FAM193A: variants seen among roughly 807,000 people sequenced by gnomAD.
FAM193A encodes family with sequence similarity 193 member A, also known as protein FAM193A.
In FAM193A, 22 loss-of-function variants were observed where a neutral mutation model predicts 126.5. That is an observed-to-expected ratio of 0.17 (90% confidence interval 0.12 to 0.25). The LOEUF (loss-of-function observed/expected upper bound fraction) is 0.25. Ranked by LOEUF, FAM193A falls within the 10% of genes least tolerant of loss-of-function variation. The pLI, the probability that FAM193A is intolerant of heterozygous loss-of-function variation, is 1.00. For synonymous variants in FAM193A, 761 were observed against 646.8 expected, an observed-to-expected ratio of 1.18 and a Z score of -2.68; for missense variants, 1,675 against 1,672.8, an observed-to-expected ratio of 1.00 and a Z score of -0.02.
At chr4:2,637,161 T>C (rs1197742057) in intron 5 of FAM193A, among the ~76,000 whole-genome samples, 1 of 152,158 alleles carries the variant, frequency 6.6e-6, no homozygotes, top group Non-Finnish European at 1.5e-5. Context: ...ATCCCGTCTC[T>C]ACAGAAGATA....
chr4:2,594,523 G>A (rs1740740336), intron 1 of FAM193A, among the ~76,000 whole-genome samples: 1 of 152,200 alleles, frequency 6.6e-6, no homozygotes, highest in Non-Finnish European at 1.5e-5. Context: ...ACTAGCGGGG[G>A]TTCTCTCACC....
At position 2,693,764 on chromosome 4, in the gene FAM193A, C is replaced by G. The variant is rs750424368; in HGVS notation, c.2982C>G (p.Pro994=). 3 of 1,614,202 alleles carry G rather than the reference C, an allele frequency of 1.9e-6. No individual in the cohort carries two copies. Among genetic ancestry groups the G allele is most frequent in the Admixed American group, 3.3e-5 (2 of 60,024 alleles). Residue 994 remains proline (P), a synonymous_variant, in exon 16 of 21, where the codon CCC becomes CCG. Coordinates refer to ENST00000637812, the MANE Select transcript of FAM193A (RefSeq NM_001366318.2). ...CAAATCTTGCAGCCCCATCATTCCC[C>G]AAAACAGCAACCACAACTCCTGGGT... ...HLANLAAPSF[P]KTATTTPGFV... is the part of the protein sequence containing the mutation.
chr4:2,548,932 T>G (rs914467915), intron 1 of FAM193A, among the ~76,000 whole-genome samples: 2 of 151,288 alleles, frequency 1.3e-5, no homozygotes, highest in Admixed American at 6.6e-5. Flanking sequence ...TACTTTTTTG[T>G]TTTTTTTGTT....
chr4:2,597,565 T>G (rs1489361758), intron 2 of FAM193A, among the ~76,000 whole-genome samples: 1 of 152,088 alleles, frequency 6.6e-6, no homozygotes, highest in Non-Finnish European at 1.5e-5. Flanking sequence ...TGGAGGAGGA[T>G]CTCATTTCCC....
intron 19 of FAM193A, among the ~76,000 whole-genome samples, chr4:2,705,566 C>T (rs1003175650): frequency 1.3e-5 from 2 of 151,378 alleles, no homozygotes; most frequent in Admixed American, 6.6e-5. Flanking sequence ...AGCGAGTGGT[C>T]CCAGCACATT....
chr4:2,566,267 T>C (rs1032956002), intron 1 of FAM193A, among the ~76,000 whole-genome samples: 1 of 152,158 alleles, frequency 6.6e-6, no homozygotes, highest in Non-Finnish European at 1.5e-5. Flanking sequence ...CAGCATGGTC[T>C]CGATCTTCTG....
chr4:2,569,013 A>G (rs1422683031), intron 1 of FAM193A, among the ~76,000 whole-genome samples: 1 of 108,134 alleles, frequency 9.2e-6, no homozygotes, highest in East Asian at 3.2e-4. Flanking sequence ...TCTGTTGCCC[A>G]GGCTGGAGTG....
chr4:2,581,404 C>T (rs950186928), intron 1 of FAM193A, among the ~76,000 whole-genome samples: 3 of 151,404 alleles, frequency 2.0e-5, no homozygotes, highest in African/African-American at 7.3e-5. Context: ...CAGGTGCATG[C>T]CACCACGCCT....
At chr4:2,688,571 G>A (rs1234233001) in intron 13 of FAM193A, among the ~76,000 whole-genome samples, 2 of 152,190 alleles carry the variant, frequency 1.3e-5, no homozygotes, top group South Asian at 2.1e-4. Context: ...GGGTGGAGGT[G>A]GTGGGCCCAG....
At chr4:2,622,271 A>C (rs980460703) in intron 2 of FAM193A, among the ~76,000 whole-genome samples, 5 of 151,524 alleles carry the variant, frequency 3.3e-5, no homozygotes, top group Admixed American at 6.6e-5. Context: ...AAAAAAAAAA[A>C]AAAAAAAAAA....
chr4:2,722,994 C>G (rs1720325120), intron 20 of FAM193A, among the ~76,000 whole-genome samples: 1 of 152,168 alleles, frequency 6.6e-6, no homozygotes, highest in African/African-American at 2.4e-5. Flanking sequence ...ATACTTTAGG[C>G]CGGGCGCAGT....
At chr4:2,565,569 T>G (rs17164051) in intron 1 of FAM193A, among the ~76,000 whole-genome samples, 49,959 of 151,878 alleles carry the variant, frequency 0.33, 9,684 homozygotes, top group Admixed American at 0.53. Context: ...GTAGCCACTT[T>G]GTAATAAAAA....
At chr4:2,623,962 TCACCCTGTGGG>T (rs149450536) in intron 2 of FAM193A, among the ~76,000 whole-genome samples, 1,863 of 152,216 alleles carry the variant, frequency 0.012, 35 homozygotes, top group African/African-American at 0.043. Flanking sequence ...GCACCCTGCA[TCACCCTGTGGG>T]CACCCTCAGC....
At chr4:2,543,817 C>A (rs577126051) in intron 1 of FAM193A, among the ~76,000 whole-genome samples, 1 of 121,448 alleles carries the variant, frequency 8.2e-6, no homozygotes, top group Non-Finnish European at 1.6e-5. Flanking sequence ...TTGCAGTGAG[C>A]AGAGATCACA....
intron 13 of FAM193A, among the ~76,000 whole-genome samples, chr4:2,677,958 T>G (rs776782877): frequency 6.6e-6 from 1 of 152,172 alleles, no homozygotes; most frequent in Non-Finnish European, 1.5e-5. Context: ...CATTTATTTA[T>G]GTTTTTTTAA....
At chr4:2,597,861 G>A (rs1577056370) in intron 2 of FAM193A, among the ~76,000 whole-genome samples, 1 of 151,958 alleles carries the variant, frequency 6.6e-6, no homozygotes, top group East Asian at 1.9e-4. Context: ...TGTTCCCCTT[G>A]GTAGTCACTT....
chr4:2,601,802 A>G (rs1741214117), intron 2 of FAM193A, among the ~76,000 whole-genome samples: 1 of 152,020 alleles, frequency 6.6e-6, no homozygotes, highest in Admixed American at 6.6e-5. Flanking sequence ...TAACTTTTAA[A>G]ATACTTGTAC....
chr4:2,552,887 G>A (rs112499557), intron 1 of FAM193A, among the ~76,000 whole-genome samples: 15 of 126,902 alleles, frequency 1.2e-4, no homozygotes, highest in African/African-American at 4.4e-4. Flanking sequence ...TTGTTCCATC[G>A]TCCAGGCTGG....
At chr4:2,672,035 G>A (rs1713856028) in intron 12 of FAM193A, 86 bp from the exon 13 acceptor site, 1 of 1,459,500 alleles carries the variant, frequency 6.9e-7, no homozygotes, top group African/African-American at 1.4e-5. Context: ...TATTTGCTTT[G>A]TAACTACTTG....
Sources: allele counts gnomAD v4.1 joint callset (sites outside exome capture counted in the v4.1 genomes callset), GRCh38; gene constraint gnomAD v4.1.1; transcripts MANE v1.5; gene names NCBI Gene and HGNC (gene_info 2026-07-23, HGNC 2026-07-21).